Variants in EFCAB11 observed in about 807,000 individuals in gnomAD.
EFCAB11 encodes the protein EF-hand calcium binding domain 11.
In EFCAB11, 14 loss-of-function variants were observed where a neutral mutation model predicts 23.0. The ratio of observed to expected loss-of-function variants is 0.61; its 90% confidence interval spans 0.40 to 0.95. The LOEUF (loss-of-function observed/expected upper bound fraction) is 0.95, where lower values mean the gene tolerates loss of function less well. EFCAB11 is among the 40% of genes least tolerant of loss of function. EFCAB11 has a pLI of 0.00. For missense variants in EFCAB11, 198 were observed against 195.8 expected, an observed-to-expected ratio of 1.01 and a Z score of -0.07; for synonymous variants, 65 against 66.6, an observed-to-expected ratio of 0.98 and a Z score of 0.11.
chr14:89,920,738 G>C (rs892366533), intron 5 of EFCAB11, among the ~76,000 whole-genome samples: 2 of 152,144 alleles, frequency 1.3e-5, no homozygotes, highest in African/African-American at 4.8e-5. Context: ...CTACAGAAGA[G>C]GAAAGATATT....
chr14:89,836,293 T>C (rs542559248), intron 5 of EFCAB11: 6 of 245,926 alleles, frequency 2.4e-5, no homozygotes, highest in Admixed American at 1.9e-4. Context: ...AGTCCTTCCA[T>C]GGAGCAAGGA....
rs916960665 is a variant in EFCAB11, at chr14:89,796,020, T to C, written c.*1223A>G. 1 of 152,338 alleles carries C rather than the reference T, an allele frequency of 6.6e-6. No homozygotes were observed. The highest frequency in any genetic ancestry group is 1.5e-5 in the Non-Finnish European group (1 of 68,136). 9.4% of individuals were successfully genotyped at this position (152,338 alleles called of 1,614,324 possible). Reference sequence around the variant, plus strand: ...GTGTCTGGGTGCAGGACGTGACTGCTAGAAACCAGGGGGTATGGAGCAGAG... The same window carrying C: ...GTGTCTGGGTGCAGGACGTGACTGCCAGAAACCAGGGGGTATGGAGCAGAG... On this transcript the variant is annotated 3_prime_UTR_variant, in exon 6 of 6. Coordinates refer to ENST00000316738, the MANE Select transcript of EFCAB11 (RefSeq NM_145231.4).
At chr14:89,909,165 C>T (rs1200237922) in intron 5 of EFCAB11, among the ~76,000 whole-genome samples, 1 of 152,184 alleles carries the variant, frequency 6.6e-6, no homozygotes, top group African/African-American at 2.4e-5. Context: ...TGGACAAACA[C>T]TGTGGAGTTA....
intron 5 of EFCAB11, among the ~76,000 whole-genome samples, chr14:89,913,271 C>T (rs10150928): frequency 0.13 from 19,375 of 152,078 alleles, 3,393 homozygotes; most frequent in African/African-American, 0.4. Flanking sequence ...GGTAACAGGG[C>T]GGACATGATA....
At chr14:89,844,473 TCA>T (rs1016242225) in intron 5 of EFCAB11, among the ~76,000 whole-genome samples, 9 of 152,202 alleles carry the variant, frequency 5.9e-5, no homozygotes, top group Admixed American at 1.3e-4. Context: ...AGTTTTGACC[TCA>T]CAGACCCCTG....
chr14:89,850,096 C>T (rs1887558429), intron 5 of EFCAB11, among the ~76,000 whole-genome samples: 1 of 152,162 alleles, frequency 6.6e-6, no homozygotes, highest in African/African-American at 2.4e-5. Context: ...TAGACTACCC[C>T]CTGCCTCCCG....
chr14:89,909,237 C>T (rs1889585280), intron 5 of EFCAB11, among the ~76,000 whole-genome samples: 1 of 152,150 alleles, frequency 6.6e-6, no homozygotes, highest in Non-Finnish European at 1.5e-5. Context: ...CTATTCTTGC[C>T]ACATTTTAAT....
At chr14:89,835,312 T>C (rs778391748) in intron 5 of EFCAB11, among the ~76,000 whole-genome samples, 2 of 152,234 alleles carry the variant, frequency 1.3e-5, no homozygotes, top group Non-Finnish European at 2.9e-5. Context: ...TTCTGATTTT[T>C]TTCAGATTTT....
chr14:89,845,443 G>A (rs961129761), intron 5 of EFCAB11, among the ~76,000 whole-genome samples: 3 of 152,040 alleles, frequency 2.0e-5, no homozygotes, highest in Non-Finnish European at 2.9e-5. Context: ...TTACTTTTCT[G>A]AGCATTCTTG....
At chr14:89,804,804 A>T (rs1885914449) in intron 5 of EFCAB11, among the ~76,000 whole-genome samples, 1 of 152,224 alleles carries the variant, frequency 6.6e-6, no homozygotes, top group Non-Finnish European at 1.5e-5. Flanking sequence ...TGAAGTTTGA[A>T]GTTCCAAGCA....
rs371094407 is a variant in EFCAB11 at position 89,950,167 on chromosome 14, A to G, written c.172-25T>C. 127 of 1,546,392 alleles carry G rather than the reference A, an allele frequency of 8.2e-5. No individual in the cohort carries two copies. The African/African-American group carries it at 1.6e-3, about 19-fold the overall frequency. ...TCTAGAAAAGAGGAAAAAATAATAG[A>G]ACATGTAATTTTATCACGTTTTCAC... On this transcript the variant is annotated intron_variant, in intron 2 of 5. Coordinates refer to ENST00000316738, the MANE Select transcript of EFCAB11 (RefSeq NM_145231.4).
intron 5 of EFCAB11, among the ~76,000 whole-genome samples, chr14:89,827,834 T>C (rs954244093): frequency 6.6e-6 from 1 of 152,024 alleles, no homozygotes; most frequent in Non-Finnish European, 1.5e-5. Flanking sequence ...GGTTTCTCCA[T>C]GTCGGTCAGG....
chr14:89,901,656 G>A (rs1197082618), intron 5 of EFCAB11, among the ~76,000 whole-genome samples: 1 of 152,086 alleles, frequency 6.6e-6, no homozygotes, highest in Non-Finnish European at 1.5e-5. Flanking sequence ...GAAATCTAAG[G>A]TCTTTCTTTG....
chr14:89,930,827 AC>A (rs1890364044), intron 5 of EFCAB11, among the ~76,000 whole-genome samples: 2 of 152,200 alleles, frequency 1.3e-5, no homozygotes, highest in Admixed American at 1.3e-4. Flanking sequence ...GGTGTGCTGA[AC>A]GCTAATGAAT....
At position 89,891,961 on chromosome 14, in the gene EFCAB11, G is replaced by A. The variant is rs112473215; in HGVS notation, c.410+39580C>T. Among the ~76,000 whole-genome samples the A allele has an allele frequency of 2.1e-3, 316 of 152,250 alleles. 1 individual carries two copies. Among genetic ancestry groups the A allele is most frequent in the African/African-American group, 7.2e-3 (300 of 41,566 alleles). On this transcript the variant is annotated intron_variant, in intron 5 of 5. Coordinates refer to ENST00000316738, the MANE Select transcript of EFCAB11 (RefSeq NM_145231.4). ...AGTGCTACCGCCGCGCGCTGCAGCT[G>A]CGGGCTGGGCCGCGGGTCAAGCTGC... is the stretch of plus-strand genomic sequence containing the variant.
At chr14:89,917,665 C>T (rs1287553507) in intron 5 of EFCAB11, among the ~76,000 whole-genome samples, 1 of 152,058 alleles carries the variant, frequency 6.6e-6, no homozygotes, top group Non-Finnish European at 1.5e-5. Context: ...TATGAAAACA[C>T]TTGACCATTA....
chr14:89,829,770 G>T (rs1886824437), intron 5 of EFCAB11: 2 of 152,152 alleles, frequency 1.3e-5, no homozygotes, highest in Admixed American at 6.5e-5. Context: ...TTCTGATATT[G>T]CACATCAATG....
At chr14:89,946,062 G>T (rs1239912350) in intron 3 of EFCAB11, among the ~76,000 whole-genome samples, 2 of 151,932 alleles carry the variant, frequency 1.3e-5, no homozygotes, top group Non-Finnish European at 2.9e-5. Flanking sequence ...GGGATTACAG[G>T]CATGCACCAC....
chr14:89,844,328 A>T (rs1389043418), intron 5 of EFCAB11, among the ~76,000 whole-genome samples: 2 of 152,234 alleles, frequency 1.3e-5, no homozygotes, highest in Non-Finnish European at 2.9e-5. Flanking sequence ...GGGGGTGATG[A>T]ATACAGTGAT....
Sources: allele counts gnomAD v4.1 joint callset (sites outside exome capture counted in the v4.1 genomes callset), GRCh38; gene constraint gnomAD v4.1.1; transcripts MANE v1.5; gene names NCBI Gene and HGNC (gene_info 2026-07-23, HGNC 2026-07-21).